Variants in PIP5K1C observed in about 807,000 individuals in gnomAD.
PIP5K1C encodes phosphatidylinositol 4-phosphate 5-kinase type-1 gamma.
In PIP5K1C, 45 loss-of-function variants were observed where a neutral mutation model predicts 80.1. The ratio of observed to expected loss-of-function variants is 0.56; its 90% CI spans 0.44 to 0.72. The LOEUF is 0.72. PIP5K1C is among the 30% of genes least tolerant of loss of function. The pLI is 0.00. For missense variants in PIP5K1C, 753 were observed against 954.6 expected (o/e 0.79, Z 2.78); for synonymous variants, 498 against 420.1 (o/e 1.19, Z -2.27).
At chr19:3,695,917 CAG>C (rs1416124791) in intron 1 of PIP5K1C, among the ~76,000 whole-genome samples, 1 of 151,892 alleles carries the variant, frequency 6.6e-6, no homozygotes, top group Non-Finnish European at 1.5e-5. Flanking sequence ...TTAGTAGAGA[CAG>C]GGGTCTTGCT....
At chr19:3,672,455 T>TG (rs1489096786) in intron 1 of PIP5K1C, 1 of 152,420 alleles carries the variant, frequency 6.6e-6, no homozygotes, top group East Asian at 1.9e-4. Flanking sequence ...GTTTGTTGAC[T>TG]GACCCATGGA....
Position 3,633,336 on chromosome 19 carries a change from C to T in PIP5K1C, c.2004+101G>A, listed in dbSNP as rs953728566. 6.2e-5 allele frequency: 57 copies of T among 921,202 alleles called. No homozygotes were observed. In the Middle Eastern group the frequency reaches 1.4e-3, roughly 22 times the overall value. 57.1% of individuals were successfully genotyped at this position (921,202 alleles called of 1,614,324 possible). Reference sequence around the variant, plus strand: ...GAGCTCTGGGCCACCTGTGCCCTCCCGCCCCGGGCCTCAGTCCCTGCCTAT... The same window carrying T: ...GAGCTCTGGGCCACCTGTGCCCTCCTGCCCCGGGCCTCAGTCCCTGCCTAT... On this transcript the variant is annotated intron_variant, in intron 17 of 17. Transcript: ENST00000335312.
At chr19:3,638,008 T>G (rs1214616334) in intron 16 of PIP5K1C, 2 of 1,514,114 alleles carry the variant, frequency 1.3e-6, no homozygotes, top group African/African-American at 2.7e-5. Flanking sequence ...GAGGCGCCAC[T>G]GGAGACAGAG....
chr19:3,634,947 G>A (rs915168106), intron 16 of PIP5K1C, among the ~76,000 whole-genome samples: 3 of 152,236 alleles, frequency 2.0e-5, no homozygotes, highest in African/African-American at 7.2e-5. Context: ...GTTCCTCCAG[G>A]GTAGCAAATG....
chr19:3,659,995 G>A (rs960404295), intron 5 of PIP5K1C, among the ~76,000 whole-genome samples: 2 of 152,174 alleles, frequency 1.3e-5, no homozygotes, highest in African/African-American at 2.4e-5. Flanking sequence ...CAAAGTTCTC[G>A]GGATGACCAG....
In PIP5K1C at chr19:3,692,721, T is replaced by C. The variant is rs1220397063; in HGVS notation, c.94+7576A>G. 6.6e-6 allele frequency among the ~76,000 whole-genome samples: 1 copy of C among 151,532 alleles called. No individual in the cohort carries two copies. Among genetic ancestry groups the C allele is most frequent in the East Asian group, 1.9e-4 (1 of 5,150 alleles). On this transcript the variant is annotated intron_variant, in intron 1 of 17. Coordinates refer to ENST00000335312, the MANE Select transcript of PIP5K1C (RefSeq NM_012398.3). The surrounding 1 kb of genome is among the most constrained non-coding windows in gnomAD (Gnocchi z 5.2). ...CCTGTGAGCTCCTGAGTCTCGCCCA[T>C]CCCTCCTCTGCCCGCAGCCCTCCAT...
intron 2 of PIP5K1C, among the ~76,000 whole-genome samples, chr19:3,665,754 T>G (rs1457988654): frequency 1.3e-5 from 2 of 151,996 alleles, no homozygotes; most frequent in Admixed American, 6.5e-5. Flanking sequence ...CCAGGGGGCC[T>G]CAGCTTGTTG....
At position 3,688,852 on chromosome 19, in the gene PIP5K1C, C is replaced by A. The variant is rs1175190871; in HGVS notation, c.94+11445G>T. Among the ~76,000 whole-genome samples the A allele has an allele frequency of 6.6e-6, 1 of 152,150 alleles. No individual in the cohort carries two copies. The highest frequency in any genetic ancestry group is 2.4e-5 in the African/African-American group (1 of 41,446). ...TGGCCCCCCACCCCGTTTTTGAGCC[C>A]CCACACAGCCGAATACATGCCCCCG... On this transcript the variant is annotated intron_variant, in intron 1 of 17. Transcript: ENST00000335312. This position sits in a 1 kb window ranked among gnomAD's most constrained non-coding sequence, Gnocchi z 5.3.
chr19:3,646,794 TA>T (rs1326233454), intron 10 of PIP5K1C, among the ~76,000 whole-genome samples: 3 of 152,184 alleles, frequency 2.0e-5, no homozygotes, highest in Non-Finnish European at 4.4e-5. Flanking sequence ...TCTTGGATTC[TA>T]CAGGCTGTGG....
intron 5 of PIP5K1C, 149 bp downstream of exon 5, chr19:3,660,817 C>G: frequency 1.5e-6 from 1 of 668,398 alleles, no homozygotes; most frequent in Admixed American, 2.0e-5. Flanking sequence ...CCCGGTGAGT[C>G]TCACAGGAGA....
At chr19:3,656,354 G>A in intron 6 of PIP5K1C, 51 bp downstream of exon 6, 4 of 1,606,418 alleles carry the variant, frequency 2.5e-6, no homozygotes, top group African/African-American at 1.3e-5. Flanking sequence ...CGCCAGCCGG[G>A]AGAAGGGGGT....
chr19:3,654,786 C>A (rs1022610122), intron 6 of PIP5K1C, among the ~76,000 whole-genome samples: 5 of 149,862 alleles, frequency 3.3e-5, no homozygotes, highest in African/African-American at 1.2e-4. Flanking sequence ...TGCATTCCAG[C>A]CTGGGCAACA....
chr19:3,690,106 CT>C (rs113807797), intron 1 of PIP5K1C, among the ~76,000 whole-genome samples: 26,383 of 146,208 alleles, frequency 0.18, 2,404 homozygotes, highest in African/African-American at 0.23. Context: ...AGTCTGATTA[CT>C]TTTTTTTTTT....
chr19:3,641,856 CCAT>C, intron 14 of PIP5K1C, 47 bp from the exon 15 acceptor site: 1 of 1,480,302 alleles, frequency 6.8e-7, no homozygotes, highest in Non-Finnish European at 9.3e-7. Context: ...CTCACTTCCC[CCAT>C]CCTACCCCCA....
At chr19:3,678,773 CGGAGGGAGGGAT>C (rs1488529302) in intron 1 of PIP5K1C, among the ~76,000 whole-genome samples, 5 of 19,666 alleles carry the variant, frequency 2.5e-4, no homozygotes, top group South Asian at 2.1e-3. Context: ...GATGGCAGGA[CGGAGGGAGGGAT>C]GGAGGGAGGG....
intron 7 of PIP5K1C, among the ~76,000 whole-genome samples, chr19:3,652,835 C>T (rs941479017): frequency 8.5e-5 from 13 of 152,224 alleles, no homozygotes; most frequent in Admixed American, 4.6e-4. Flanking sequence ...GGGCTTGTGA[C>T]CACAGCATCT....
rs45438391 is a variant in PIP5K1C, at chr19:3,656,408, G to A, written c.618C>T (p.Tyr206=). Residue 206 remains tyrosine, a synonymous_variant, in exon 6 of 18, where the codon TAC becomes TAT. Coordinates refer to ENST00000335312, the MANE Select transcript of PIP5K1C (RefSeq NM_012398.3). The stretch of plus-strand genomic sequence containing the variant: ...CCCCGCAGGGCGGGCCACGCACCAT[G>A]TAGTAGCCAGGGAGCAGCTTCTGCA... The part of the protein sequence containing the change: ...EFLQKLLPGY[Y]MNLNQNPRTL... 3.7e-6 allele frequency: 6 copies of A among 1,613,344 alleles called. No individual in the cohort carries two copies. The highest frequency in any genetic ancestry group is 5.1e-6 in the Non-Finnish European group (6 of 1,180,006).
At chr19:3,662,077 TGGA>T in intron 3 of PIP5K1C, 76 bp from the exon 4 acceptor site, 1 of 1,501,428 alleles carries the variant, frequency 6.7e-7, no homozygotes, top group Non-Finnish European at 8.9e-7. Flanking sequence ...CACCGGGGGG[TGGA>T]GATCGTGACC....
intron 5 of PIP5K1C, among the ~76,000 whole-genome samples, chr19:3,657,819 C>T (rs959582765): frequency 4.6e-5 from 7 of 152,034 alleles, no homozygotes; most frequent in African/African-American, 1.7e-4. Flanking sequence ...TCTGTGGTCC[C>T]AGCTACTTGG....
Sources: allele counts gnomAD v4.1 joint callset (sites outside exome capture counted in the v4.1 genomes callset), GRCh38; gene constraint gnomAD v4.1.1; non-coding constraint Gnocchi (gnomAD v3.1); transcripts MANE v1.5; gene names NCBI Gene and HGNC (gene_info 2026-07-23, HGNC 2026-07-21).